The following GYPE variants were observed in gnomAD, a reference collection of about 807,000 sequenced individuals.
GYPE encodes the protein glycophorin-E.
In GYPE, 8 loss-of-function variants were observed where a neutral mutation model predicts 11.6. The ratio of observed to expected loss-of-function variants is 0.69; its 90% CI spans 0.41 to 1.25. The LOEUF is 1.25. Among genes scored for constraint, GYPE ranks in the 50% most tolerant of loss-of-function variants. The pLI is 0.01. For synonymous variants in GYPE, 28 were observed against 29.6 expected, an observed-to-expected ratio of 0.94 and a Z score of 0.18; for missense variants, 90 against 92.8, an observed-to-expected ratio of 0.97 and a Z score of 0.12.
chr4:143,882,588 T>C (rs1202510904), intron 1 of GYPE, among the ~76,000 whole-genome samples: 1 of 152,162 alleles, frequency 6.6e-6, no homozygotes, highest in Admixed American at 6.5e-5. Context: ...AAGCCTTAAA[T>C]GGGCATGTAA....
intron 1 of GYPE, among the ~76,000 whole-genome samples, chr4:143,902,616 CCTTT>C (rs769635988): frequency 6.6e-6 from 1 of 151,766 alleles, no homozygotes; most frequent in Non-Finnish European, 1.5e-5. Context: ...TTTCCTTCTT[CCTTT>C]CTCTCCCTCT....
rs1409912751 is a variant in GYPE at position 143,871,099 on chromosome 4, C to T, written c.*1163G>A. ...CACAGGGGAAACCACCGCAATGATT[C>T]AAGTACCTCCCACTGGGTTCCTCCC... On this transcript the variant is annotated 3_prime_UTR_variant, in exon 4 of 4. Coordinates refer to ENST00000358615, the MANE Select transcript of GYPE (RefSeq NM_198682.3). The T allele has an allele frequency of 6.7e-6, 1 of 149,770 alleles. No individual in the cohort carries two copies. Among genetic ancestry groups the T allele is most frequent in the Non-Finnish European group, 1.5e-5 (1 of 68,008 alleles). 9.3% of individuals were successfully genotyped at this position (149,770 alleles called of 1,614,324 possible).
chr4:143,880,207 AACTC>A (rs1386737379), intron 2 of GYPE, among the ~76,000 whole-genome samples, 200 bp downstream of exon 2: 1 of 152,154 alleles, frequency 6.6e-6, no homozygotes, highest in African/African-American at 2.4e-5. Flanking sequence ...TAATTTCTTT[AACTC>A]ACAGTATTAT....
rs1156711638 is a variant in GYPE at position 143,880,989 on chromosome 4, C to T, written c.38-480G>A. ...CTGTCTATGCTAAGAAAGGTGGAAG[C>T]GCATAATAATTATATAGAACAAAAC... On this transcript the variant is annotated intron_variant, in intron 1 of 3. Coordinates refer to ENST00000358615, the MANE Select transcript of GYPE (RefSeq NM_198682.3). Among the ~76,000 whole-genome samples the T allele has an allele frequency of 2.6e-5, 4 of 151,976 alleles. No individual in the cohort carries two copies. The East Asian group carries it at 5.8e-4, about 22-fold the overall frequency.
Position 143,903,543 on chromosome 4 carries a change from G to GA in GYPE, c.37+1927dup, listed in dbSNP as rs1191646148. On this transcript the variant is annotated intron_variant, in intron 1 of 3. Coordinates refer to ENST00000358615, the MANE Select transcript of GYPE (RefSeq NM_198682.3). ...TCATAGCAAAAAAAAAAAAAAAAAAGAAAAAAAAAGAAAAAGACTTCACCA... is the reference window on the plus strand; with the variant it reads ...TCATAGCAAAAAAAAAAAAAAAAAAGAAAAAAAAAAGAAAAAGACTTCACCA... 3.0e-4 allele frequency among the ~76,000 whole-genome samples: 24 copies of GA among 79,504 alleles called. No individual in the cohort carries two copies. The East Asian group carries it at 4.3e-3, about 14-fold the overall frequency. The allele number at this position is 79,504 out of a possible 152,430, so 52.2% of individuals were successfully genotyped here.
At chr4:143,901,289 C>G (rs951959355) in intron 1 of GYPE, among the ~76,000 whole-genome samples, 1 of 152,000 alleles carries the variant, frequency 6.6e-6, no homozygotes, top group African/African-American at 2.4e-5. Flanking sequence ...CTATGACCAA[C>G]GTACAAAAAT....
chr4:143,880,590 C>A lies in GYPE; in HGVS notation c.38-81G>T, dbSNP rs149088684. The stretch of plus-strand genomic sequence containing the variant: ...TAAAGCATATCACAAAAGACAAATT[C>A]CCTCACATCCCTCCAGTCCCTGAGC... On this transcript the variant is annotated intron_variant, in intron 1 of 3. Coordinates refer to ENST00000358615, the MANE Select transcript of GYPE (RefSeq NM_198682.3). 1,643 of 1,603,816 alleles carry A rather than the reference C, an allele frequency of 1.0e-3. 6 individuals carry two copies. Among genetic ancestry groups the A allele is most frequent in the African/African-American group, 9.6e-3 (717 of 74,808 alleles).
At chr4:143,873,976 C>T (rs1422551304) in intron 3 of GYPE, among the ~76,000 whole-genome samples, 1 of 151,928 alleles carries the variant, frequency 6.6e-6, no homozygotes, top group East Asian at 1.9e-4. Flanking sequence ...GTTAGACATG[C>T]AACATAGTCA....
chr4:143,898,251 C>T (rs1744736527), intron 1 of GYPE, among the ~76,000 whole-genome samples: 1 of 152,100 alleles, frequency 6.6e-6, no homozygotes, highest in Admixed American at 6.5e-5. Context: ...GTGGTGTGCG[C>T]CTGTATTCTC....
intron 1 of GYPE, among the ~76,000 whole-genome samples, chr4:143,894,572 C>T (rs1383452911): frequency 6.6e-6 from 1 of 152,050 alleles, no homozygotes; most frequent in Non-Finnish European, 1.5e-5. Flanking sequence ...TGCTAGAGGT[C>T]CACTCCAGAG....
intron 3 of GYPE, among the ~76,000 whole-genome samples, chr4:143,873,137 A>C (rs968056435): frequency 6.6e-6 from 1 of 152,192 alleles, no homozygotes; most frequent in African/African-American, 2.4e-5. Flanking sequence ...TCTTTTTAGT[A>C]AGAATAAATT....
intron 3 of GYPE, chr4:143,875,319 T>C: frequency 1.4e-6 from 1 of 722,240 alleles, no homozygotes; most frequent in South Asian, 2.0e-5. Flanking sequence ...TGCAAATAAT[T>C]TGTATTTTGT....
chr4:143,874,572 A>T (rs963410352), intron 3 of GYPE, among the ~76,000 whole-genome samples: 33 of 152,356 alleles, frequency 2.2e-4, no homozygotes, highest in South Asian at 1.2e-3. Context: ...CATATGGCCA[A>T]GGCCTGCTCT....
chr4:143,892,567 A>G (rs1167107750), intron 1 of GYPE, among the ~76,000 whole-genome samples: 1 of 151,626 alleles, frequency 6.6e-6, no homozygotes, highest in African/African-American at 2.4e-5. Flanking sequence ...TTCGTTATGT[A>G]CCCAGTAGTC....
In GYPE at chr4:143,876,727, T is replaced by C; in HGVS notation, c.*9+19A>G. 7.4e-7 allele frequency: 1 copy of C among 1,352,218 alleles called. No homozygotes were observed. Among genetic ancestry groups the C allele is most frequent in the East Asian group, 2.3e-5 (1 of 42,952 alleles). The allele number at this position is 1,352,218 out of a possible 1,614,324, so 83.8% of individuals were successfully genotyped here. On this transcript the variant is annotated intron_variant, in intron 3 of 3. Coordinates refer to ENST00000358615, the MANE Select transcript of GYPE (RefSeq NM_198682.3). ...GTTCACACTGGTATTTAGAGCAAAA[T>C]TAAAAACTGAATTCTCACCTTTATC...
chr4:143,892,569 C>G (rs967774458), intron 1 of GYPE, among the ~76,000 whole-genome samples: 1 of 151,558 alleles, frequency 6.6e-6, no homozygotes, highest in African/African-American at 2.4e-5. Flanking sequence ...CGTTATGTAC[C>G]CAGTAGTCAT....
intron 1 of GYPE, among the ~76,000 whole-genome samples, chr4:143,905,101 T>G (rs1489619843): frequency 6.6e-6 from 1 of 152,178 alleles, no homozygotes; most frequent in Non-Finnish European, 1.5e-5. Context: ...AAAAGCCATA[T>G]AACACCTTTG....
chr4:143,878,387 T>A (rs1208191509), intron 2 of GYPE, among the ~76,000 whole-genome samples: 1 of 152,204 alleles, frequency 6.6e-6, no homozygotes, highest in Non-Finnish European at 1.5e-5. Context: ...TAGCCAGGCT[T>A]GGCCTCTGAA....
At chr4:143,875,059 A>G in intron 3 of GYPE, among the ~76,000 whole-genome samples, 1 of 152,150 alleles carries the variant, frequency 6.6e-6, no homozygotes, top group Non-Finnish European at 1.5e-5. Context: ...TTTAAATTAC[A>G]GTGCCATTTC....
Sources: gnomAD v4.1 joint callset for allele counts (sites outside exome capture counted in the v4.1 genomes callset) on GRCh38, gnomAD v4.1.1 for gene constraint, MANE v1.5 for transcripts, NCBI Gene and HGNC (gene_info 2026-07-23, HGNC 2026-07-21) for gene names.